The following ARL15 variants were observed in gnomAD, a reference collection of about 807,000 sequenced individuals.
ARL15 encodes ARF like GTPase 15.
In ARL15, 19 loss-of-function variants were observed where a neutral mutation model predicts 25.2. The ratio of observed to expected loss-of-function variants is 0.75; its 90% CI spans 0.53 to 1.10. The LOEUF (loss-of-function observed/expected upper bound fraction) is 1.10, where lower values mean the gene tolerates loss of function less well. ARL15 is among the 50% of genes least tolerant of loss of function. ARL15 has a pLI of 0.00. For synonymous variants in ARL15, 94 were observed against 86.8 expected (o/e 1.08, Z -0.46); for missense variants, 220 against 246.0 (o/e 0.89, Z 0.71).
At chr5:54,216,211 T>A in intron 1 of ARL15, among the ~76,000 whole-genome samples, 1 of 152,202 alleles carries the variant, frequency 6.6e-6, no homozygotes, top group East Asian at 1.9e-4. Context: ...GTAAATATGT[T>A]ACTCCTTCAA....
chr5:54,149,308 G>T (rs984539841), intron 3 of ARL15, among the ~76,000 whole-genome samples: 2 of 152,076 alleles, frequency 1.3e-5, no homozygotes, highest in African/African-American at 4.8e-5. Flanking sequence ...GCTAAACAGA[G>T]ACTCCAGTGA....
intron 1 of ARL15, among the ~76,000 whole-genome samples, chr5:54,188,078 T>G: frequency 6.6e-6 from 1 of 152,172 alleles, no homozygotes; most frequent in East Asian, 1.9e-4. Context: ...CCAATTTGCA[T>G]ATCACACCAT....
chr5:54,175,349 T>C (rs1174527070), intron 1 of ARL15, among the ~76,000 whole-genome samples: 1 of 152,100 alleles, frequency 6.6e-6, no homozygotes, highest in Non-Finnish European at 1.5e-5. Context: ...CTTTTTTTTT[T>C]TTCAGACAGA....
intron 4 of ARL15, among the ~76,000 whole-genome samples, chr5:54,019,523 T>G (rs536295084): frequency 7.2e-5 from 11 of 152,322 alleles, no homozygotes; most frequent in African/African-American, 2.4e-4. Flanking sequence ...TCAATTAATA[T>G]CATATTGAAC....
rs538106549 is a variant in ARL15, at chr5:54,043,464, G to C, written c.462+69738C>G. ...ATGTAATAATAACCATGGTAATACTGTCCTTATATTTTCCAGCAACATTTT... is the reference window on the plus strand; with the variant it reads ...ATGTAATAATAACCATGGTAATACTCTCCTTATATTTTCCAGCAACATTTT... On this transcript the variant is annotated intron_variant, in intron 4 of 4. Coordinates refer to ENST00000504924, the MANE Select transcript of ARL15 (RefSeq NM_019087.3). Among the ~76,000 whole-genome samples the C allele has an allele frequency of 3.9e-5, 6 of 152,172 alleles. No homozygotes were observed. In the East Asian group the frequency reaches 1.2e-3, roughly 29 times the overall value.
intron 1 of ARL15, among the ~76,000 whole-genome samples, chr5:54,267,804 C>G (rs1757669741): frequency 6.6e-6 from 1 of 152,172 alleles, no homozygotes; most frequent in African/African-American, 2.4e-5. Flanking sequence ...CCCCCACTCT[C>G]TTCTCGCTTG....
At chr5:53,987,137 A>G (rs1748322479) in intron 4 of ARL15, among the ~76,000 whole-genome samples, 1 of 152,176 alleles carries the variant, frequency 6.6e-6, no homozygotes, top group Admixed American at 6.5e-5. Flanking sequence ...GGAACATGAT[A>G]TAATTTCAAG....
At chr5:54,146,856 T>C (rs1010027705) in intron 3 of ARL15, among the ~76,000 whole-genome samples, 2 of 152,110 alleles carry the variant, frequency 1.3e-5, no homozygotes, top group African/African-American at 4.8e-5. Flanking sequence ...AGACTATGAC[T>C]GGGAAGATAA....
chr5:54,117,370 T>C (rs76115335), intron 3 of ARL15, among the ~76,000 whole-genome samples: 20,593 of 143,800 alleles, frequency 0.14, 1,892 homozygotes, highest in Non-Finnish European at 0.2. Flanking sequence ...GTGAGACACA[T>C]ACACACACAC....
intron 4 of ARL15, among the ~76,000 whole-genome samples, chr5:54,093,389 ACTTGGGCAGCATTTGGCC>A (rs1450175967): frequency 3.9e-5 from 6 of 152,214 alleles, no homozygotes; most frequent in Middle Eastern, 3.4e-3. Flanking sequence ...AACCGAGAAA[ACTTGGGCAGCATTTGGCC>A]CCAGGGTAAG....
rs11437578 is a variant in ARL15 at position 54,249,672 on chromosome 5, C to CAA, written c.48+60758_48+60759dup. Among the ~76,000 whole-genome samples the CAA allele has an allele frequency of 7.7e-3, 561 of 72,450 alleles. 7 individuals are homozygous for CAA. Among genetic ancestry groups the CAA allele is most frequent in the African/African-American group, 0.018 (438 of 23,998 alleles). The allele number at this position is 72,450 out of a possible 152,430, so 47.5% of individuals were successfully genotyped here. A position where few individuals can be genotyped will look rare whatever the true frequency, so the allele number is the denominator to read the frequency against. ...GGAGAAGTGTGGTTGTGGTTAAGAG[C>CAA]AAAAAAAAAAAAAAAAAAAACTTTA... On this transcript the variant is annotated intron_variant, in intron 1 of 4. Transcript: ENST00000504924.
intron 2 of ARL15, among the ~76,000 whole-genome samples, chr5:54,162,176 G>A (rs1245008967): frequency 6.6e-6 from 1 of 152,092 alleles, no homozygotes; most frequent in African/African-American, 2.4e-5. Context: ...CTCCTCTGCT[G>A]CCTATTCGCC....
intron 1 of ARL15, among the ~76,000 whole-genome samples, chr5:54,192,950 T>TCCA (rs1755447458): frequency 6.6e-6 from 1 of 152,160 alleles, no homozygotes; most frequent in African/African-American, 2.4e-5. Flanking sequence ...AGAGTATGTA[T>TCCA]GTAGGTCCAG....
At chr5:54,246,798 A>G (rs993997493) in intron 1 of ARL15, among the ~76,000 whole-genome samples, 11 of 1,534 alleles carry the variant, frequency 7.2e-3, no homozygotes, top group African/African-American at 0.012. Flanking sequence ...AAGCATGCAT[A>G]CACACACACA....
intron 4 of ARL15, among the ~76,000 whole-genome samples, chr5:53,950,338 G>T (rs1746904145): frequency 6.6e-6 from 1 of 152,064 alleles, no homozygotes; most frequent in African/African-American, 2.4e-5. Context: ...GATGGAAATT[G>T]CTAAGAACAG....
chr5:54,226,862 C>T (rs1756533275), intron 1 of ARL15, among the ~76,000 whole-genome samples: 1 of 152,058 alleles, frequency 6.6e-6, no homozygotes, highest in Non-Finnish European at 1.5e-5. Flanking sequence ...GTGGGAGGGG[C>T]CCAGTGGGAG....
chr5:54,094,155 C>T (rs1473722599), intron 4 of ARL15, among the ~76,000 whole-genome samples: 1 of 152,132 alleles, frequency 6.6e-6, no homozygotes, highest in African/African-American at 2.4e-5. Context: ...AAATGTCATA[C>T]CAGTTCATTT....
chr5:54,290,228 G>C (rs747287943), intron 1 of ARL15, among the ~76,000 whole-genome samples: 1 of 151,640 alleles, frequency 6.6e-6, no homozygotes, highest in Admixed American at 6.6e-5. Flanking sequence ...ATATTGTCCA[G>C]ATTGGCAATG....
intron 3 of ARL15, among the ~76,000 whole-genome samples, chr5:54,144,995 C>T (rs1690066025): frequency 6.6e-6 from 1 of 152,052 alleles, no homozygotes. Context: ...ATTGTCTGTA[C>T]CTTTAGCTTT....
Sources: allele counts gnomAD v4.1 joint callset (sites outside exome capture counted in the v4.1 genomes callset), GRCh38; gene constraint gnomAD v4.1.1; transcripts MANE v1.5; gene names NCBI Gene and HGNC (gene_info 2026-07-23, HGNC 2026-07-21).